ATP6V1H: variants seen among roughly 807,000 people sequenced by gnomAD.
ATP6V1H encodes the protein V-type proton ATPase subunit H.
Under a neutral mutation model 71.7 loss-of-function variants are expected in ATP6V1H, and 39 were observed. That is an observed-to-expected ratio of 0.54 (90% CI 0.42 to 0.71). ATP6V1H has a LOEUF of 0.71. ATP6V1H is among the 30% of genes least tolerant of loss of function. The pLI, the probability that ATP6V1H is intolerant of heterozygous loss-of-function variation, is 0.00. For missense variants in ATP6V1H, 509 were observed against 594.9 expected (o/e 0.86, Z 1.50); for synonymous variants, 192 against 199.3 (o/e 0.96, Z 0.31).
intron 12 of ATP6V1H, among the ~76,000 whole-genome samples, chr8:53,756,069 C>CTTTTTTTTTTTTTTTTT (rs199967847): frequency 4.1e-5 from 4 of 96,578 alleles, no homozygotes; most frequent in Non-Finnish European, 8.0e-5. Flanking sequence ...TTTTTCTTTT[C>CTTTTTTTTTTTTTTTTT]TTTTTTTTTT....
intron 13 of ATP6V1H, among the ~76,000 whole-genome samples, chr8:53,731,187 C>T (rs1807008362): frequency 6.6e-6 from 1 of 151,982 alleles, no homozygotes; most frequent in South Asian, 2.1e-4. Context: ...TCTCCACCAA[C>T]TCACTCCTTA....
At chr8:53,786,526 G>A (rs986576837) in intron 9 of ATP6V1H, among the ~76,000 whole-genome samples, 1 of 152,134 alleles carries the variant, frequency 6.6e-6, no homozygotes, top group Non-Finnish European at 1.5e-5. Flanking sequence ...CTCACGCACT[G>A]TGCGCTGCAC....
chr8:53,737,960 A>C (rs1384542286), intron 13 of ATP6V1H, among the ~76,000 whole-genome samples: 1 of 152,152 alleles, frequency 6.6e-6, no homozygotes, highest in African/African-American at 2.4e-5. Context: ...TTTTTCCCCC[A>C]TCATGACTTA....
intron 11 of ATP6V1H, among the ~76,000 whole-genome samples, chr8:53,764,320 A>C (rs1808374697): frequency 6.6e-6 from 1 of 152,194 alleles, no homozygotes; most frequent in Non-Finnish European, 1.5e-5. Flanking sequence ...ATATAAAACG[A>C]ATTATAAACT....
chr8:53,838,942 C>A (rs1811260020), intron 2 of ATP6V1H, among the ~76,000 whole-genome samples: 1 of 152,154 alleles, frequency 6.6e-6, no homozygotes, highest in African/African-American at 2.4e-5. Context: ...ATATGAGACA[C>A]ATTTCACACC....
intron 2 of ATP6V1H, 101 bp from the exon 3 acceptor site, chr8:53,833,187 C>A: frequency 6.9e-6 from 6 of 867,294 alleles, no homozygotes; most frequent in Non-Finnish European, 1.1e-5. Flanking sequence ...GGCAGCAAAC[C>A]ACAAGGGCTG....
chr8:53,731,221 C>G (rs1260197202), intron 13 of ATP6V1H, among the ~76,000 whole-genome samples: 2 of 152,144 alleles, frequency 1.3e-5, no homozygotes, highest in East Asian at 3.9e-4. Flanking sequence ...CTAGCACTGC[C>G]TGATCCCGCC....
At chr8:53,762,778 T>TA (rs1167225596) in intron 11 of ATP6V1H, among the ~76,000 whole-genome samples, 1 of 152,206 alleles carries the variant, frequency 6.6e-6, no homozygotes, top group Non-Finnish European at 1.5e-5. Context: ...CATAATCTTG[T>TA]ACAGTTGACC....
Position 53,833,095 on chromosome 8 carries a change from TA to T in ATP6V1H, c.114-10del. 6.2e-7 allele frequency: 1 copy of T among 1,602,262 alleles called. No individual in the cohort carries two copies. Among genetic ancestry groups the T allele is most frequent in the Non-Finnish European group, 8.5e-7 (1 of 1,170,684 alleles). On this transcript the variant is annotated splice_polypyrimidine_tract_variant and intron_variant, in intron 2 of 13. Transcript: ENST00000359530. ...CAGAAATCATCTGTCCCCTAGAAAGTAAGAATAAGATGTTTTGTTCAGTAAG... is the reference window on the plus strand; with the variant it reads ...CAGAAATCATCTGTCCCCTAGAAAGTAGAATAAGATGTTTTGTTCAGTAAG...
intron 12 of ATP6V1H, among the ~76,000 whole-genome samples, chr8:53,747,528 T>A (rs986863838): frequency 2.0e-5 from 3 of 148,152 alleles, no homozygotes; most frequent in African/African-American, 7.5e-5. Context: ...AGAAAGCTCT[T>A]TTTTTTTTTT....
chr8:53,795,619 T>C (rs772532302), intron 9 of ATP6V1H, 28 bp downstream of exon 9: 1 of 1,603,028 alleles, frequency 6.2e-7, no homozygotes, highest in Non-Finnish European at 8.5e-7. Context: ...ATGCCTCACA[T>C]ACACACAAAC....
At chr8:53,773,661 C>A (rs1465205086) in intron 9 of ATP6V1H, among the ~76,000 whole-genome samples, 1 of 152,086 alleles carries the variant, frequency 6.6e-6, no homozygotes, top group African/African-American at 2.4e-5. Flanking sequence ...CTGGGGGGAG[C>A]CCCAGAAAAC....
At chr8:53,802,252 A>G (rs561389059) in intron 7 of ATP6V1H, among the ~76,000 whole-genome samples, 3 of 152,344 alleles carry the variant, frequency 2.0e-5, no homozygotes, top group African/African-American at 4.8e-5. Flanking sequence ...ACTGTTCCAC[A>G]TAATTACAGA....
intron 13 of ATP6V1H, among the ~76,000 whole-genome samples, chr8:53,724,644 CG>C (rs1198762631): frequency 6.9e-6 from 1 of 144,946 alleles, no homozygotes; most frequent in African/African-American, 2.6e-5. Context: ...GCCCCAGGGA[CG>C]GCAGTGCGCT....
At chr8:53,774,882 C>G (rs1229382718) in intron 9 of ATP6V1H, among the ~76,000 whole-genome samples, 11 of 152,128 alleles carry the variant, frequency 7.2e-5, no homozygotes, top group Non-Finnish European at 1.5e-4. Flanking sequence ...GAGGAGAAAT[C>G]AGAGAGAAAC....
intron 13 of ATP6V1H, among the ~76,000 whole-genome samples, chr8:53,741,492 C>T (rs898443468): frequency 6.6e-6 from 1 of 152,194 alleles, no homozygotes; most frequent in African/African-American, 2.4e-5. Flanking sequence ...TTTAGAAAAA[C>T]ATCTGGCAAC....
chr8:53,833,207 C>T (rs1811064843), intron 2 of ATP6V1H, 121 bp from the exon 3 acceptor site: 2 of 687,386 alleles, frequency 2.9e-6, no homozygotes, highest in Middle Eastern at 4.0e-4. Flanking sequence ...GACGCAAGGG[C>T]CCTGGCATCA....
chr8:53,721,210 T>C (rs1269477777), intron 13 of ATP6V1H, among the ~76,000 whole-genome samples: 1 of 152,188 alleles, frequency 6.6e-6, no homozygotes, highest in African/African-American at 2.4e-5. Context: ...TAGTTATAAA[T>C]TTAGCGATTC....
At chr8:53,838,782 CAT>C (rs1811253912) in intron 2 of ATP6V1H, among the ~76,000 whole-genome samples, 1 of 152,102 alleles carries the variant, frequency 6.6e-6, no homozygotes, top group South Asian at 2.1e-4. Flanking sequence ...ATTTTCATAA[CAT>C]ATTAATTTGT....
Sources: gnomAD v4.1 joint callset for allele counts (sites outside exome capture counted in the v4.1 genomes callset) on GRCh38, gnomAD v4.1.1 for gene constraint, MANE v1.5 for transcripts, NCBI Gene and HGNC (gene_info 2026-07-23, HGNC 2026-07-21) for gene names.